Variants in IL1RAPL2 observed in about 807,000 individuals in gnomAD.
IL1RAPL2 encodes the protein interleukin 1 receptor accessory protein like 2, also known as X-linked interleukin-1 receptor accessory protein-like 2.
In IL1RAPL2, 3 loss-of-function variants were observed where a neutral mutation model predicts 44.1. That is an observed-to-expected ratio of 0.07 (90% CI 0.03 to 0.18). IL1RAPL2 has a LOEUF of 0.18. IL1RAPL2 is among the 10% of genes least tolerant of loss of function. The pLI is 1.00. For synonymous variants in IL1RAPL2, 181 were observed against 178.8 expected, an observed-to-expected ratio of 1.01 and a Z score of -0.10; for missense variants, 391 against 496.4, an observed-to-expected ratio of 0.79 and a Z score of 2.02.
chrX:105,279,157 C>T (rs999771361), intron 5 of IL1RAPL2, among the ~76,000 whole-genome samples: 4 of 111,057 alleles, frequency 3.6e-5, no homozygotes, highest in African/African-American at 1.3e-4. Context: ...CTTTGCCTTA[C>T]TATTTAGATA....
intron 1 of IL1RAPL2, among the ~76,000 whole-genome samples, chrX:104,577,544 G>A (rs1928264107): frequency 9.0e-6 from 1 of 111,633 alleles, no homozygotes; most frequent in Admixed American, 9.5e-5. Context: ...AACTGTATAG[G>A]GAAGGAAGCA....
At chrX:104,845,728 G>T (rs1364338622) in intron 2 of IL1RAPL2, among the ~76,000 whole-genome samples, 1 of 111,773 alleles carries the variant, frequency 8.9e-6, no homozygotes, top group Non-Finnish European at 1.9e-5. Context: ...ATTTGTCATG[G>T]TTTTTAGCAC....
chrX:104,581,151 G>A (rs1241234093), intron 1 of IL1RAPL2, among the ~76,000 whole-genome samples: 2 of 112,217 alleles, frequency 1.8e-5, no homozygotes, highest in Non-Finnish European at 3.8e-5. Flanking sequence ...TCTGGGCTTC[G>A]ATTTTCAATT....
At chrX:105,306,935 C>T (rs183316190) in intron 5 of IL1RAPL2, among the ~76,000 whole-genome samples, 15 of 111,300 alleles carry the variant, frequency 1.3e-4, no homozygotes, top group East Asian at 2.8e-4. Flanking sequence ...CTCACAGTTC[C>T]GCATGGCTGG....
At chrX:104,648,817 T>C (rs1362788137) in intron 1 of IL1RAPL2, among the ~76,000 whole-genome samples, 1 of 111,565 alleles carries the variant, frequency 9.0e-6, no homozygotes, top group Non-Finnish European at 1.9e-5. Flanking sequence ...GGCTGTGAAA[T>C]GAAATTTTCA....
intron 6 of IL1RAPL2, among the ~76,000 whole-genome samples, chrX:105,547,063 G>A (rs1443096424): frequency 8.9e-6 from 1 of 112,140 alleles, no homozygotes; most frequent in Non-Finnish European, 1.9e-5. Context: ...GCCTTTTATA[G>A]ATGAATTATA....
chrX:104,681,663 G>T (rs750412227), intron 2 of IL1RAPL2, among the ~76,000 whole-genome samples: 2 of 112,721 alleles, frequency 1.8e-5, no homozygotes, highest in East Asian at 5.6e-4. Context: ...ATCATGTCCT[G>T]TGTAGGTTAG....
chrX:105,377,190 A>C (rs182250425), intron 5 of IL1RAPL2, among the ~76,000 whole-genome samples: 38 of 111,587 alleles, frequency 3.4e-4, no homozygotes, highest in Non-Finnish European at 3.8e-4. Context: ...TAAGTTCTAC[A>C]TTTTGTGTTT....
intron 5 of IL1RAPL2, among the ~76,000 whole-genome samples, chrX:105,405,272 C>G (rs1337694563): frequency 9.0e-6 from 1 of 111,169 alleles, no homozygotes; most frequent in Non-Finnish European, 1.9e-5. Context: ...CCTTTATATA[C>G]CTTTAGGTTT....
chrX:105,729,897 GA>G (rs1220497798), intron 7 of IL1RAPL2, among the ~76,000 whole-genome samples: 5 of 73,560 alleles, frequency 6.8e-5, no homozygotes, highest in African/African-American at 3.2e-4. Flanking sequence ...AGGAAGGAAG[GA>G]AGGAAGGAAG....
At chrX:105,231,982 C>T (rs2034075334) in intron 3 of IL1RAPL2, among the ~76,000 whole-genome samples, 1 of 112,347 alleles carries the variant, frequency 8.9e-6, no homozygotes, top group Admixed American at 9.4e-5. Context: ...CTGACAAGAA[C>T]ATAAATGTTT....
chrX:104,602,299 A>G, intron 1 of IL1RAPL2, among the ~76,000 whole-genome samples: 1 of 111,579 alleles, frequency 9.0e-6, no homozygotes, highest in Non-Finnish European at 1.9e-5. Flanking sequence ...TGGCCCAGAT[A>G]CTGCACTCAT....
At chrX:104,846,944 C>T (rs1922068264) in intron 2 of IL1RAPL2, among the ~76,000 whole-genome samples, 1 of 112,140 alleles carries the variant, frequency 8.9e-6, no homozygotes. Context: ...TCTCTGATGG[C>T]CAGTGATGAT....
intron 2 of IL1RAPL2, among the ~76,000 whole-genome samples, chrX:104,923,113 G>T (rs1223438112): frequency 1.8e-5 from 2 of 111,641 alleles, no homozygotes; most frequent in Non-Finnish European, 3.8e-5. Context: ...AAAGGAAAAA[G>T]AATTTTTAAA....
chrX:105,028,538 T>C (rs1323040937), intron 2 of IL1RAPL2, among the ~76,000 whole-genome samples: 1 of 111,370 alleles, frequency 9.0e-6, no homozygotes, highest in Non-Finnish European at 1.9e-5. Context: ...TTTTGCATTT[T>C]TGTATTAGGA....
chrX:105,173,107 A>G (rs937954292), intron 2 of IL1RAPL2, among the ~76,000 whole-genome samples: 1 of 111,005 alleles, frequency 9.0e-6, no homozygotes, highest in African/African-American at 3.3e-5. Flanking sequence ...TCTGGGACTT[A>G]AGATTTTCCC....
chrX:105,088,725 T>G (rs1221196975), intron 2 of IL1RAPL2, among the ~76,000 whole-genome samples: 1 of 111,647 alleles, frequency 9.0e-6, no homozygotes, highest in African/African-American at 3.2e-5. Flanking sequence ...AGAGACCCAC[T>G]TATTGGTGCC....
At chrX:104,632,019 TAA>T (rs1343427788) in intron 1 of IL1RAPL2, among the ~76,000 whole-genome samples, 3 of 111,543 alleles carry the variant, frequency 2.7e-5, no homozygotes, top group African/African-American at 9.8e-5. Context: ...AATTTTTGTA[TAA>T]GGTGTAAGGA....
intron 2 of IL1RAPL2, among the ~76,000 whole-genome samples, chrX:104,874,614 C>G: frequency 9.0e-6 from 1 of 110,813 alleles, no homozygotes; most frequent in East Asian, 2.9e-4. Context: ...GCAAAATTGG[C>G]AGGAAGAATT....
Sources: allele counts gnomAD v4.1 joint callset (sites outside exome capture counted in the v4.1 genomes callset), GRCh38; gene constraint gnomAD v4.1.1; transcripts MANE v1.5; gene names NCBI Gene and HGNC (gene_info 2026-07-23, HGNC 2026-07-21).